RBM25: variants seen among roughly 807,000 people sequenced by gnomAD.
The protein encoded by RBM25 is RNA binding motif protein 25.
In RBM25, 19 loss-of-function variants were observed where a neutral mutation model predicts 120.7. The ratio of observed to expected loss-of-function variants is 0.16; its 90% CI spans 0.11 to 0.23. RBM25 has a LOEUF of 0.23. Ranked by LOEUF, RBM25 falls within the 10% of genes least tolerant of loss-of-function variation. The probability of loss-of-function intolerance (pLI) is 1.00; values close to 1 mark genes in which losing one functional copy is unlikely to be tolerated. For missense variants in RBM25, 605 were observed against 1,041.5 expected (o/e 0.58, Z 5.77); for synonymous variants, 390 against 326.7 (o/e 1.19, Z -2.09).
At chr14:73,081,260 C>T (rs1479536608) in intron 4 of RBM25, among the ~76,000 whole-genome samples, 1 of 152,210 alleles carries the variant, frequency 6.6e-6, no homozygotes, top group Non-Finnish European at 1.5e-5. Flanking sequence ...GCCTCAGCCT[C>T]CCAAGTAGCT....
chr14:73,093,534 C>T (rs1237712734), intron 6 of RBM25, among the ~76,000 whole-genome samples: 1 of 152,178 alleles, frequency 6.6e-6, no homozygotes, highest in Non-Finnish European at 1.5e-5. Flanking sequence ...CCACCGAAGT[C>T]TCACTCTTGT....
chr14:73,108,124 A>G (rs538620899), intron 13 of RBM25, among the ~76,000 whole-genome samples: 9 of 152,386 alleles, frequency 5.9e-5, no homozygotes, highest in African/African-American at 1.9e-4. Context: ...GGGGGAGCCC[A>G]TGATAGTATT....
At chr14:73,097,208 T>TTTC (rs1895965576) in intron 7 of RBM25, 108 bp downstream of exon 7, 3 of 782,848 alleles carry the variant, frequency 3.8e-6, no homozygotes, top group East Asian at 7.0e-5. Context: ...TTTTTTTTTT[T>TTTC]TTTTTTTTTT....
chr14:73,115,155 T>C (rs1896399645), intron 18 of RBM25, among the ~76,000 whole-genome samples: 1 of 52,478 alleles, frequency 1.9e-5, no homozygotes, highest in South Asian at 7.3e-4. Context: ...AACTGATACG[T>C]GTGTGTGTGT....
intron 9 of RBM25, chr14:73,101,938 T>G (rs993272721): frequency 6.6e-6 from 1 of 152,340 alleles, no homozygotes; most frequent in African/African-American, 2.4e-5. Flanking sequence ...GTAATTTCAA[T>G]GTATTCAGTT....
intron 4 of RBM25, among the ~76,000 whole-genome samples, chr14:73,082,914 A>AAC (rs1555344399): frequency 1.9e-4 from 29 of 151,632 alleles, no homozygotes; most frequent in African/African-American, 6.8e-4. Context: ...AAATAAAAAA[A>AAC]AAAAAACAAA....
At position 73,104,109 on chromosome 14, in the gene RBM25, C is replaced by G. The variant is rs78372682; in HGVS notation, c.1154+631C>G. The stretch of plus-strand genomic sequence containing the variant: ...CACAGTGGCCACTCAATGTTCTGGG[C>G]AGACATGACTCCCTGCTGTCTCCTT... On this transcript the variant is annotated intron_variant, in intron 10 of 18. Transcript: ENST00000261973. Among the ~76,000 whole-genome samples the G allele has an allele frequency of 6.0e-3, 907 of 151,996 alleles. 12 individuals carry two copies. The highest frequency in any genetic ancestry group is 0.021 in the African/African-American group (859 of 41,470).
chr14:73,060,315 G>T (rs1253567350), intron 1 of RBM25, among the ~76,000 whole-genome samples: 1 of 151,502 alleles, frequency 6.6e-6, no homozygotes, highest in Non-Finnish European at 1.5e-5. Flanking sequence ...GATTACAGGC[G>T]TGAGCCACCG....
Position 73,117,210 on chromosome 14 carries a change from C to CTTTTT in RBM25, c.2440-2473_2440-2469dup, listed in dbSNP as rs71112704. On this transcript the variant is annotated intron_variant, in intron 18 of 18. Transcript: ENST00000261973. ...TTTCTTTTAATTTCTTTCTTCTTTT[C>CTTTTT]TTTTTTTTTTTTTTTTTTTTTTTTT... 4.2e-3 allele frequency among the ~76,000 whole-genome samples: 206 copies of CTTTTT among 49,406 alleles called. 9 individuals carry two copies. The highest frequency in any genetic ancestry group is 5.5e-3 in the Non-Finnish European group (149 of 27,326). 32.4% of individuals were successfully genotyped at this position (49,406 alleles called of 152,430 possible). A position where few individuals can be genotyped will look rare whatever the true frequency, so the allele number is the denominator to read the frequency against.
intron 18 of RBM25, among the ~76,000 whole-genome samples, 171 bp downstream of exon 18, chr14:73,114,504 C>T (rs1896381594): frequency 6.6e-6 from 1 of 152,102 alleles, no homozygotes; most frequent in African/African-American, 2.4e-5. Flanking sequence ...TTACAGGCAT[C>T]AGCCACCACA....
At position 73,117,210 on chromosome 14, in the gene RBM25, C is replaced by CTTTTTTTTTTTTTT. The variant is rs71112704; in HGVS notation, c.2440-2482_2440-2469dup. ...TTTCTTTTAATTTCTTTCTTCTTTT[C>CTTTTTTTTTTTTTT]TTTTTTTTTTTTTTTTTTTTTTTTT... On this transcript the variant is annotated intron_variant, in intron 18 of 18. Transcript: ENST00000261973. 2.2e-3 allele frequency among the ~76,000 whole-genome samples: 109 copies of CTTTTTTTTTTTTTT among 49,428 alleles called. 14 individuals are homozygous for CTTTTTTTTTTTTTT. The highest frequency in any genetic ancestry group is 2.7e-3 in the African/African-American group (36 of 13,234). 32.4% of individuals were successfully genotyped at this position (49,428 alleles called of 152,430 possible).
intron 2 of RBM25, among the ~76,000 whole-genome samples, chr14:73,076,114 T>G (rs976192528): frequency 2.6e-5 from 4 of 152,224 alleles, no homozygotes; most frequent in Non-Finnish European, 5.9e-5. Context: ...CCATTTTGTT[T>G]TCAGGATAGT....
At chr14:73,103,994 A>ACTCACT (rs1896125724) in intron 10 of RBM25, among the ~76,000 whole-genome samples, 3 of 99,394 alleles carry the variant, frequency 3.0e-5, no homozygotes, top group Non-Finnish European at 5.9e-5. Context: ...ACACACACAC[A>ACTCACT]CTCTCTCTCT....
At chr14:73,109,849 T>G (rs550833596) in intron 14 of RBM25, among the ~76,000 whole-genome samples, 14 of 152,140 alleles carry the variant, frequency 9.2e-5, no homozygotes, top group Non-Finnish European at 1.3e-4. Context: ...TACAGGTGTG[T>G]GCCACCTCGC....
intron 18 of RBM25, among the ~76,000 whole-genome samples, chr14:73,116,917 T>G (rs990255341): frequency 1.3e-5 from 2 of 152,204 alleles, no homozygotes; most frequent in Non-Finnish European, 2.9e-5. Context: ...TAAATATTTC[T>G]TGAATAAATG....
chr14:73,117,655 A>T (rs1896463537), intron 18 of RBM25, among the ~76,000 whole-genome samples: 1 of 152,160 alleles, frequency 6.6e-6, no homozygotes, highest in Non-Finnish European at 1.5e-5. Context: ...CATCGCCTCC[A>T]CTTTAGAGGT....
Position 73,110,833 on chromosome 14 carries a change from G to T in RBM25, c.1695G>T (p.Met565Ile). 6.3e-7 allele frequency: 1 copy of T among 1,599,490 alleles called. No homozygotes were observed. The highest frequency in any genetic ancestry group is 8.5e-7 in the Non-Finnish European group (1 of 1,176,034). ...HPDPDAELQR[M>I]EQEAERRRQP... ...TCAGATTATTGTTTGGGTTTTAGATGGAACAAGAGGCTGAGAGGCGCAGGC... is the reference window on the plus strand; with the variant it reads ...TCAGATTATTGTTTGGGTTTTAGATTGAACAAGAGGCTGAGAGGCGCAGGC... Residue 565 changes from methionine to isoleucine, a missense_variant and splice_region_variant, in exon 15 of 19, where the codon ATG (methionine) becomes ATT (isoleucine). By Grantham distance (10) the Met-to-Ile change is conservative (BLOSUM62 1). Coordinates refer to ENST00000261973, the MANE Select transcript of RBM25 (RefSeq NM_021239.3).
rs748091319 is a variant in RBM25, at chr14:73,085,381, A to G, written c.382+1830A>G. ...ATTGAGGAACAAATCTTTTTCATAT[A>G]TTAGTAGAATGCTTCTCTATGGAGA... On this transcript the variant is annotated intron_variant, in intron 5 of 18. Transcript: ENST00000261973. Among the ~76,000 whole-genome samples the G allele has an allele frequency of 2.9e-4, 43 of 149,148 alleles. 2 individuals carry two copies. The highest frequency in any genetic ancestry group is 5.5e-4 in the Non-Finnish European group (37 of 66,894).
chr14:73,103,629 A>G (rs1594927668), intron 10 of RBM25, 151 bp downstream of exon 10: 1 of 1,225,384 alleles, frequency 8.2e-7, no homozygotes, highest in Non-Finnish European at 1.1e-6. Flanking sequence ...GCAGTGGCTG[A>G]GCAATCTCCG....
Sources: gnomAD v4.1 joint callset for allele counts (sites outside exome capture counted in the v4.1 genomes callset) on GRCh38, gnomAD v4.1.1 for gene constraint, MANE v1.5 for transcripts, NCBI Gene and HGNC (gene_info 2026-07-23, HGNC 2026-07-21) for gene names.